The following LRRC74B variants were observed in gnomAD, a reference collection of about 807,000 sequenced individuals.
LRRC74B encodes leucine rich repeat containing 74B.
A neutral mutation model predicts 16.6 loss-of-function variants in LRRC74B; 30 were observed. The observed-to-expected ratio is 1.80, with a 90% CI of 1.35 to 2.45. LRRC74B has a LOEUF of 2.45. Among genes scored for constraint, LRRC74B ranks in the 30% most tolerant of loss-of-function variants. The pLI, the probability that LRRC74B is intolerant of heterozygous loss-of-function variation, is 0.00. For missense variants in LRRC74B, 326 were observed against 202.4 expected (o/e 1.61, Z -3.71); for synonymous variants, 134 against 86.0 (o/e 1.56, Z -3.09).
intron 1 of LRRC74B, among the ~76,000 whole-genome samples, chr22:21,046,425 C>T (rs761309744): frequency 2.7e-5 from 4 of 150,366 alleles, no homozygotes; most frequent in Non-Finnish European, 5.9e-5. Context: ...TTTTTTCTCC[C>T]GTAAAATGTT....
downstream of LRRC74B, chr22:21,060,634 T>C (rs1168347488): frequency 4.9e-6 from 3 of 617,074 alleles, no homozygotes; most frequent in Non-Finnish European, 8.9e-6. Flanking sequence ...CACTGAGTCC[T>C]CACGTCAGCC....
intron 6 of LRRC74B, among the ~76,000 whole-genome samples, chr22:21,054,754 C>T (rs1930355463): frequency 6.6e-6 from 1 of 152,184 alleles, no homozygotes; most frequent in Non-Finnish European, 1.5e-5. Context: ...AGGCCTTGAA[C>T]ATAAGCTAGG....
chr22:21,050,146 C>T (rs1256224621), intron 4 of LRRC74B, among the ~76,000 whole-genome samples: 2 of 152,132 alleles, frequency 1.3e-5, no homozygotes, highest in East Asian at 1.9e-4. Context: ...AAGCAATTCT[C>T]CTGCCTCAGC....
chr22:21,062,437 A>G (rs1930850682), downstream of LRRC74B: 6 of 152,184 alleles, frequency 3.9e-5, no homozygotes, highest in Admixed American at 3.3e-4. Flanking sequence ...AAATATGGCC[A>G]GGCGCGGTGG....
intron 4 of LRRC74B, among the ~76,000 whole-genome samples, chr22:21,051,374 GC>G (rs1283929060): frequency 6.6e-6 from 1 of 152,072 alleles, no homozygotes; most frequent in African/African-American, 2.4e-5. Flanking sequence ...TCGCTATTTT[GC>G]CCAGGCTGGT....
chr22:21,058,999 C>T (rs946626101), intron 8 of LRRC74B, among the ~76,000 whole-genome samples: 5 of 152,192 alleles, frequency 3.3e-5, no homozygotes, highest in African/African-American at 7.2e-5. Flanking sequence ...ACGCCTATAA[C>T]CCCAGGACCT....
chr22:21,052,774 G>A (rs1930174277), intron 5 of LRRC74B, among the ~76,000 whole-genome samples: 1 of 152,160 alleles, frequency 6.6e-6, no homozygotes, highest in African/African-American at 2.4e-5. Context: ...CTCGGGAATG[G>A]GTGGCTCAAG....
chr22:21,046,204 G>C, intron 1 of LRRC74B, 79 bp downstream of exon 1: 1 of 692,792 alleles, frequency 1.4e-6, no homozygotes, highest in South Asian at 1.5e-5. Context: ...GCGGGCTGGG[G>C]CTAAGGCCAG....
intron 4 of LRRC74B, among the ~76,000 whole-genome samples, chr22:21,051,166 ATACT>A: frequency 6.6e-6 from 1 of 152,116 alleles, no homozygotes. Flanking sequence ...ACAACAAAAA[ATACT>A]TTCTTTCCTC....
intron 3 of LRRC74B, chr22:21,048,708 C>T (rs1388197600): frequency 7.3e-6 from 4 of 544,732 alleles, no homozygotes; most frequent in Non-Finnish European, 1.3e-5. Flanking sequence ...ACAGCAGTCT[C>T]TACAGTACCA....
chr22:21,050,333 C>G (rs1929911893), intron 4 of LRRC74B, among the ~76,000 whole-genome samples: 1 of 151,094 alleles, frequency 6.6e-6, no homozygotes, highest in African/African-American at 2.4e-5. Flanking sequence ...CCGCGCCTGG[C>G]CGAGAATTGT....
At chr22:21,053,263 T>C (rs1930211627) in intron 5 of LRRC74B, 97 bp from the exon 6 acceptor site, 1 of 649,748 alleles carries the variant, frequency 1.5e-6, no homozygotes, top group South Asian at 1.8e-5. Flanking sequence ...TTATCTCTTA[T>C]CTTTGCACCT....
At chr22:21,060,727 G>A (rs1247544403), downstream of LRRC74B, 6 of 487,030 alleles carry the variant, frequency 1.2e-5, no homozygotes, top group African/African-American at 9.8e-5. Context: ...GCCTTCATGT[G>A]CTCTCACTCA....
intron 4 of LRRC74B, among the ~76,000 whole-genome samples, chr22:21,050,577 G>C (rs1431662929): frequency 3.3e-5 from 5 of 151,924 alleles, no homozygotes; most frequent in African/African-American, 1.2e-4. Context: ...AGGAGATCGA[G>C]ACCATCCTGG....
At chr22:21,050,777 C>CAAAA (rs71188205) in intron 4 of LRRC74B, among the ~76,000 whole-genome samples, 9 of 104,160 alleles carry the variant, frequency 8.6e-5, no homozygotes, top group African/African-American at 1.4e-4. Flanking sequence ...GACTCTGTCT[C>CAAAA]AAAAAAAAAA....
chr22:21,055,316 A>C, intron 7 of LRRC74B, 140 bp downstream of exon 7: 1 of 608,160 alleles, frequency 1.6e-6, no homozygotes, highest in South Asian at 2.0e-5. Context: ...ACTCACCCTG[A>C]ATCTGGGGCC....
exon 6 of LRRC74B, chr22:21,053,466 T>G (rs1378619096): frequency 4.2e-6 from 3 of 716,982 alleles, no homozygotes; most frequent in Admixed American, 4.0e-5. Context: ...TTGGAGGAAC[T>G]CAACATGAGG....
chr22:21,048,957 A>T, exon 4 of LRRC74B: 3 of 716,218 alleles, frequency 4.2e-6, no homozygotes, highest in South Asian at 3.0e-5. Context: ...CCAGATGTGG[A>T]CCTGTCGGAG....
At position 21,049,920 on chromosome 22, in the gene LRRC74B, G is replaced by A. The variant is rs534532163; in HGVS notation, c.622+763G>A. 3.3e-5 allele frequency among the ~76,000 whole-genome samples: 5 copies of A among 152,306 alleles called. No individual in the cohort carries two copies. In the East Asian group the frequency reaches 9.7e-4, roughly 29 times the overall value. On this transcript the variant is annotated intron_variant, in intron 4 of 8. Coordinates refer to ENST00000442047, the Ensembl canonical transcript of LRRC74B. ...TCCTCAAATGGTCCAATAATGGTAA[G>A]GATCACCTGAGACCCTGGGTTAGGC...
Sources: gnomAD v4.1 joint callset for allele counts (sites outside exome capture counted in the v4.1 genomes callset) on GRCh38, gnomAD v4.1.1 for gene constraint, MANE v1.5 for transcripts, NCBI Gene and HGNC (gene_info 2026-07-23, HGNC 2026-07-21) for gene names.